Variants in GABRG3 observed in about 807,000 individuals in gnomAD.
GABRG3 encodes gamma-aminobutyric acid type A receptor subunit gamma3.
In GABRG3, 25 loss-of-function variants were observed where a neutral mutation model predicts 48.8. That is an observed-to-expected ratio of 0.51 (90% confidence interval 0.37 to 0.72). The LOEUF (loss-of-function observed/expected upper bound fraction) is 0.72, where lower values mean the gene tolerates loss of function less well. Ranked by LOEUF, GABRG3 falls within the 30% of genes least tolerant of loss-of-function variation. GABRG3 has a pLI of 0.00. For missense variants in GABRG3, 394 were observed against 577.9 expected, an observed-to-expected ratio of 0.68 and a Z score of 3.26; for synonymous variants, 227 against 217.6, an observed-to-expected ratio of 1.04 and a Z score of -0.38.
intron 3 of GABRG3, among the ~76,000 whole-genome samples, chr15:27,318,139 C>T (rs984939120): frequency 6.6e-6 from 1 of 152,154 alleles, no homozygotes; most frequent in African/African-American, 2.4e-5. Flanking sequence ...TTTTGGGTGG[C>T]AGTGCACACT....
intron 3 of GABRG3, among the ~76,000 whole-genome samples, chr15:27,309,778 C>A (rs1023011486): frequency 6.6e-6 from 1 of 152,176 alleles, no homozygotes; most frequent in Non-Finnish European, 1.5e-5. Context: ...AAATGCTAAT[C>A]TGTTCTAAAA....
intron 6 of GABRG3, among the ~76,000 whole-genome samples, chr15:27,490,891 C>T (rs182408132): frequency 2.0e-5 from 3 of 152,010 alleles, no homozygotes; most frequent in South Asian, 2.1e-4. Context: ...TGCCACCACC[C>T]CCACCACCAC....
chr15:27,306,621 A>G (rs1185169464), intron 3 of GABRG3, among the ~76,000 whole-genome samples: 1 of 121,882 alleles, frequency 8.2e-6, no homozygotes, highest in African/African-American at 3.5e-5. Context: ...ATAAACATAT[A>G]TAATATAAAC....
intron 3 of GABRG3, among the ~76,000 whole-genome samples, chr15:27,261,056 AATT>A (rs1274594543): frequency 5.9e-5 from 9 of 152,122 alleles, no homozygotes; most frequent in African/African-American, 2.2e-4. Flanking sequence ...CAATCATGAT[AATT>A]ATTTATTGAT....
chr15:27,023,737 C>A (rs1895938073), intron 2 of GABRG3, among the ~76,000 whole-genome samples: 1 of 152,126 alleles, frequency 6.6e-6, no homozygotes, highest in Non-Finnish European at 1.5e-5. Context: ...CTGTTTCTAC[C>A]TTTTGGCTAC....
At chr15:27,228,628 G>A (rs1889701101) in intron 3 of GABRG3, among the ~76,000 whole-genome samples, 1 of 152,164 alleles carries the variant, frequency 6.6e-6, no homozygotes, top group Admixed American at 6.5e-5. Context: ...TTAGCTCTTT[G>A]AGGAATCCCC....
At chr15:27,224,785 G>A (rs188872147) in intron 3 of GABRG3, among the ~76,000 whole-genome samples, 26 of 152,338 alleles carry the variant, frequency 1.7e-4, no homozygotes, top group Admixed American at 1.7e-3. Context: ...ATAGGATAAC[G>A]TTAGTGTATT....
At chr15:27,131,991 G>C (rs1319422287) in intron 3 of GABRG3, among the ~76,000 whole-genome samples, 2 of 151,844 alleles carry the variant, frequency 1.3e-5, no homozygotes, top group Non-Finnish European at 2.9e-5. Context: ...TTATATTTTT[G>C]ATATTGAGTA....
At chr15:27,213,989 A>G (rs1300457223) in intron 3 of GABRG3, among the ~76,000 whole-genome samples, 2 of 152,198 alleles carry the variant, frequency 1.3e-5, no homozygotes. Context: ...ATTATTGACC[A>G]TGGATTTGGT....
chr15:27,084,730 G>C (rs554000174), intron 3 of GABRG3, among the ~76,000 whole-genome samples: 1 of 152,368 alleles, frequency 6.6e-6, no homozygotes, highest in Admixed American at 6.5e-5. Flanking sequence ...ACATGGAACA[G>C]ACTCTACGCT....
chr15:27,193,129 G>C (rs1035281139), intron 3 of GABRG3, among the ~76,000 whole-genome samples: 1 of 152,100 alleles, frequency 6.6e-6, no homozygotes, highest in East Asian at 1.9e-4. Context: ...TGCCCCTACT[G>C]GGGGGTGCCT....
chr15:27,405,837 C>T (rs928015204), intron 5 of GABRG3, among the ~76,000 whole-genome samples: 4 of 148,360 alleles, frequency 2.7e-5, no homozygotes, highest in Non-Finnish European at 5.9e-5. Context: ...TAAGAAATGG[C>T]TGATTCTAGG....
At chr15:27,252,654 CT>C (rs889492069) in intron 3 of GABRG3, among the ~76,000 whole-genome samples, 1 of 152,140 alleles carries the variant, frequency 6.6e-6, no homozygotes, top group African/African-American at 2.4e-5. Flanking sequence ...GCCGACTTCC[CT>C]TTTGGCTGGG....
intron 3 of GABRG3, among the ~76,000 whole-genome samples, chr15:27,215,359 CCCT>C (rs776965105): frequency 8.4e-4 from 128 of 152,242 alleles, no homozygotes; most frequent in Non-Finnish European, 1.6e-3. Context: ...CCTTGGCAAG[CCCT>C]CCTCATGTAC....
intron 3 of GABRG3, among the ~76,000 whole-genome samples, chr15:27,271,105 C>T (rs1196609557): frequency 3.3e-5 from 5 of 152,180 alleles, no homozygotes; most frequent in Non-Finnish European, 7.4e-5. Context: ...AGAGGTGAAG[C>T]GCTAACCCTA....
At chr15:27,519,558 T>C (rs928910887) in intron 6 of GABRG3, among the ~76,000 whole-genome samples, 12 of 152,218 alleles carry the variant, frequency 7.9e-5, no homozygotes, top group Admixed American at 5.9e-4. Context: ...TAAGATATGA[T>C]AGCTTTGTTG....
intron 6 of GABRG3, among the ~76,000 whole-genome samples, chr15:27,495,098 A>G (rs1890450885): frequency 6.6e-6 from 1 of 152,090 alleles, no homozygotes; most frequent in Non-Finnish European, 1.5e-5. Flanking sequence ...CTCATTTTAC[A>G]TCTTCTATAG....
chr15:27,203,726 G>A (rs573012110), intron 3 of GABRG3, among the ~76,000 whole-genome samples: 1 of 152,208 alleles, frequency 6.6e-6, no homozygotes, highest in African/African-American at 2.4e-5. Context: ...TTTAATAACA[G>A]CCAATCTGAC....
chr15:27,345,121 G>A (rs1894322412), intron 5 of GABRG3, among the ~76,000 whole-genome samples: 1 of 152,106 alleles, frequency 6.6e-6, no homozygotes, highest in Admixed American at 6.5e-5. Flanking sequence ...ACAACATAGA[G>A]TTGGGGCTTT....
Sources: allele counts gnomAD v4.1 joint callset (sites outside exome capture counted in the v4.1 genomes callset), GRCh38; gene constraint gnomAD v4.1.1; transcripts MANE v1.5; gene names NCBI Gene and HGNC (gene_info 2026-07-23, HGNC 2026-07-21).